RGL1: variants seen among roughly 807,000 people sequenced by gnomAD.
The protein encoded by RGL1 is ral guanine nucleotide dissociation stimulator like 1.
Under a neutral mutation model 95.2 loss-of-function variants are expected in RGL1, and 24 were observed. The ratio of observed to expected loss-of-function variants is 0.25; its 90% CI spans 0.18 to 0.35. RGL1 has a LOEUF of 0.35. RGL1 is among the 10% of genes least tolerant of loss of function. RGL1 has a pLI of 1.00. For missense variants in RGL1, 715 were observed against 936.3 expected (o/e 0.76, Z 3.08); for synonymous variants, 329 against 344.9 (o/e 0.95, Z 0.51).
At position 183,880,717 on chromosome 1, in the gene RGL1, C is replaced by T. The variant is rs1666776970; in HGVS notation, c.527C>T (p.Thr176Ile). 6.2e-7 allele frequency: 1 copy of T among 1,613,944 alleles called. No individual in the cohort carries two copies. The highest frequency in any genetic ancestry group is 8.5e-7 in the Non-Finnish European group (1 of 1,179,844). ...TTACAGAAACTGCTGGATTATCTCA[C>T]ACGGATGATGCCGGGCTCTGACCCA... The part of the protein sequence containing the change: ...PCLQKLLDYL[T>I]RMMPGSDPER... The change falls in exon 5 of 18, where the codon ACA becomes ATA. Residue 176 changes from threonine (T) to isoleucine (I), a missense_variant. Thr to Ile is a moderately conservative substitution (Grantham distance 89, BLOSUM62 -1). This residue lies in a region of RGL1 where 381 missense variants were observed against 484.8 expected (regional missense o/e 0.79). Transcript: ENST00000360851.
intron 12 of RGL1, 80 bp downstream of exon 12, chr1:183,902,680 G>A: frequency 7.1e-7 from 1 of 1,411,610 alleles, no homozygotes; most frequent in South Asian, 1.2e-5. Flanking sequence ...TTTTTTTGTA[G>A]AGGCAGAAAA....
At chr1:183,874,416 T>C (rs1205928943) in intron 4 of RGL1, among the ~76,000 whole-genome samples, 1 of 152,210 alleles carries the variant, frequency 6.6e-6, no homozygotes, top group African/African-American at 2.4e-5. Context: ...TTCAGGCTTA[T>C]CCATCCTACT....
intron 3 of RGL1, among the ~76,000 whole-genome samples, chr1:183,849,914 C>G (rs569959660): frequency 6.6e-6 from 1 of 152,242 alleles, no homozygotes; most frequent in Non-Finnish European, 1.5e-5. Flanking sequence ...CAAAGTATAT[C>G]AGCATTTAAA....
intron 1 of RGL1, among the ~76,000 whole-genome samples, chr1:183,734,081 T>C (rs929414275): frequency 3.9e-5 from 6 of 152,224 alleles, no homozygotes; most frequent in African/African-American, 1.2e-4. Context: ...AGATTGCTCT[T>C]TAACCTGAAA....
At chr1:183,642,289 G>C (rs980137524) in intron 1 of RGL1, among the ~76,000 whole-genome samples, 4 of 152,132 alleles carry the variant, frequency 2.6e-5, no homozygotes, top group African/African-American at 9.7e-5. Context: ...TTAATTCCCA[G>C]AGTAGCTCTA....
chr1:183,714,614 C>G (rs12119579), intron 1 of RGL1, among the ~76,000 whole-genome samples: 72,709 of 152,006 alleles, frequency 0.48, 17,955 homozygotes, highest in East Asian at 0.76. Flanking sequence ...GGAGCACAGA[C>G]TAAGGACGTA....
chr1:183,737,551 G>A (rs915723367), intron 1 of RGL1, among the ~76,000 whole-genome samples: 1 of 146,786 alleles, frequency 6.8e-6, no homozygotes, highest in Non-Finnish European at 1.5e-5. Context: ...GGTGAGACCA[G>A]CCTGGGCAAC....
rs189809760 is a variant in RGL1 at position 183,674,348 on chromosome 1, G to A, written c.-33+37847G>A. 3.9e-5 allele frequency among the ~76,000 whole-genome samples: 6 copies of A among 152,294 alleles called. No homozygotes were observed. The East Asian group carries it at 1.2e-3, about 29-fold the overall frequency. ...GCTGTATCACTGATTTTGTCAGGAA[G>A]AAGGATACCCTTTACAGTTGAGGAT... On this transcript the variant is annotated intron_variant, in intron 1 of 18. Transcript: ENST00000304685.
intron 1 of RGL1, among the ~76,000 whole-genome samples, chr1:183,731,791 A>G (rs144957939): frequency 6.6e-6 from 1 of 152,248 alleles, no homozygotes; most frequent in Non-Finnish European, 1.5e-5. Flanking sequence ...AGTGTAATAC[A>G]CTTGTGTATT....
chr1:183,745,558 A>G lies in RGL1; in HGVS notation c.132+3269A>G, dbSNP rs565045417. Among the ~76,000 whole-genome samples the G allele has an allele frequency of 5.9e-5, 9 of 152,072 alleles. No homozygotes were observed. In the South Asian group the frequency reaches 1.9e-3, roughly 32 times the overall value. On this transcript the variant is annotated intron_variant, in intron 2 of 18. Coordinates refer to the RGL1 transcript ENST00000304685. ...ATTAATTATCTAGTGTCACTTTTGA[A>G]TGTTATTGTTTCTTCTTCAGTTTAT...
At chr1:183,912,430 A>C (rs1374524854) in intron 15 of RGL1, among the ~76,000 whole-genome samples, 162 bp downstream of exon 15, 1 of 152,216 alleles carries the variant, frequency 6.6e-6, no homozygotes, top group Non-Finnish European at 1.5e-5. Flanking sequence ...GGGACATACT[A>C]CTAATAGAAA....
chr1:183,767,184 C>CCCTCCAGTCTATTCAGCCTGGGCAGCAG (rs1659014078), intron 2 of RGL1, among the ~76,000 whole-genome samples: 2 of 149,378 alleles, frequency 1.3e-5, no homozygotes. Flanking sequence ...CATGGCATTG[C>CCCTCCAGTCTATTCAGCCTGGGCAGCAG]CCTCCAGTCT....
At chr1:183,746,025 T>C (rs1445044093) in intron 2 of RGL1, among the ~76,000 whole-genome samples, 8 of 150,164 alleles carry the variant, frequency 5.3e-5, no homozygotes, top group Admixed American at 2.7e-4. Flanking sequence ...TCAATTCATT[T>C]TTTTTTTTTT....
chr1:183,765,563 A>G lies in RGL1; in HGVS notation c.132+23274A>G, dbSNP rs75307277. On this transcript the variant is annotated intron_variant, in intron 2 of 18. Transcript: ENST00000304685. ...ATCCTCCTGTAGTTCAATCCATGCA[A>G]TCAGCTCTTGTTCTGCTTTATATTA... Among the ~76,000 whole-genome samples the G allele has an allele frequency of 1.1e-3, 175 of 152,322 alleles. 1 individual carries two copies. The highest frequency in any genetic ancestry group is 4.1e-3 in the African/African-American group (172 of 41,582).
intron 1 of RGL1, among the ~76,000 whole-genome samples, chr1:183,737,336 G>A (rs538123273): frequency 3.3e-5 from 5 of 152,222 alleles, no homozygotes; most frequent in Non-Finnish European, 5.9e-5. Flanking sequence ...CATCAGCTGC[G>A]CCCTTTGTTA....
At chr1:183,925,360 G>A (rs1669557461) in intron 17 of RGL1, among the ~76,000 whole-genome samples, 1 of 152,270 alleles carries the variant, frequency 6.6e-6, no homozygotes, top group Admixed American at 6.5e-5. Flanking sequence ...GGGAGGGAGA[G>A]CATTAGGACA....
chr1:183,737,415 A>G (rs1038687867), intron 1 of RGL1, among the ~76,000 whole-genome samples: 10 of 152,158 alleles, frequency 6.6e-5, no homozygotes, highest in African/African-American at 2.2e-4. Context: ...ATAAGTTATG[A>G]TTACATATTA....
intron 1 of RGL1, among the ~76,000 whole-genome samples, chr1:183,703,793 A>G (rs1188875881): frequency 6.6e-6 from 1 of 152,160 alleles, no homozygotes; most frequent in African/African-American, 2.4e-5. Context: ...TGGGTAGGAA[A>G]AGGCAGTGGC....
intron 1 of RGL1, among the ~76,000 whole-genome samples, chr1:183,690,278 A>G (rs1653863109): frequency 6.6e-6 from 1 of 152,212 alleles, no homozygotes; most frequent in African/African-American, 2.4e-5. Flanking sequence ...AAAATGTTGT[A>G]TGTATGTTTA....
Sources: allele counts gnomAD v4.1 joint callset (sites outside exome capture counted in the v4.1 genomes callset), GRCh38; gene constraint gnomAD v4.1.1; regional missense constraint gnomAD v4.1.1; transcripts MANE v1.5; gene names NCBI Gene and HGNC (gene_info 2026-07-23, HGNC 2026-07-21).